Variants in RANBP2 observed in about 807,000 individuals in gnomAD.
RANBP2 encodes E3 SUMO-protein ligase RanBP2.
A neutral mutation model predicts 303.6 loss-of-function variants in RANBP2; 57 were observed. That is an observed-to-expected ratio of 0.19 (90% CI 0.15 to 0.23). The LOEUF (loss-of-function observed/expected upper bound fraction) is 0.23. Ranked by LOEUF, RANBP2 falls within the 10% of genes least tolerant of loss-of-function variation. The pLI, the probability that RANBP2 is intolerant of heterozygous loss-of-function variation, is 1.00. For missense variants in RANBP2, 3,138 were observed against 3,780.8 expected (o/e 0.83, Z 4.46); for synonymous variants, 1,167 against 1,301.5 (o/e 0.90, Z 2.23).
the RANBP2 span, among the ~76,000 whole-genome samples, chr2:108,820,471 G>A: frequency 6.6e-6 from 1 of 151,816 alleles, no homozygotes; most frequent in Non-Finnish European, 1.5e-5. Flanking sequence ...AAAGAAATAG[G>A]CATACAAGTT....
At chr2:109,117,268 G>T in the RANBP2 span, among the ~76,000 whole-genome samples, 2 of 152,210 alleles carry the variant, frequency 1.3e-5, no homozygotes, top group East Asian at 3.9e-4. Context: ...AGGCCTCCTT[G>T]AGCTGTGGTG....
chr2:109,486,246 T>G, the RANBP2 span, among the ~76,000 whole-genome samples: 2 of 152,228 alleles, frequency 1.3e-5, no homozygotes, highest in African/African-American at 4.8e-5. Context: ...CAGAATCATT[T>G]TTTGGTCCTC....
chr2:108,846,815 T>A, the RANBP2 span: 3 of 1,612,908 alleles, frequency 1.9e-6, no homozygotes, highest in South Asian at 3.3e-5. Context: ...GAATTCAGGA[T>A]AATTCTCCAC....
At chr2:109,714,091 T>C in the RANBP2 span, among the ~76,000 whole-genome samples, 1 of 152,174 alleles carries the variant, frequency 6.6e-6, no homozygotes, top group Non-Finnish European at 1.5e-5. Context: ...TTTTTATTTT[T>C]TCTTTTTGAG....
the RANBP2 span, among the ~76,000 whole-genome samples, chr2:109,222,121 C>A: frequency 6.6e-6 from 1 of 151,956 alleles, no homozygotes; most frequent in East Asian, 1.9e-4. Flanking sequence ...TGGACGATCT[C>A]ACTCATATGT....
the RANBP2 span, among the ~76,000 whole-genome samples, chr2:108,919,428 A>T: frequency 1.7e-4 from 26 of 152,092 alleles, no homozygotes; most frequent in Admixed American, 1.7e-3. Context: ...GCGCAATCTC[A>T]GTTCACCGCA....
the RANBP2 span, among the ~76,000 whole-genome samples, chr2:108,973,725 C>G: frequency 6.6e-6 from 1 of 152,332 alleles, no homozygotes; most frequent in African/African-American, 2.4e-5. Context: ...GACTACAAAA[C>G]CTGGAAATTT....
At chr2:109,472,852 G>A in the RANBP2 span, among the ~76,000 whole-genome samples, 1 of 152,182 alleles carries the variant, frequency 6.6e-6, no homozygotes, top group Admixed American at 6.5e-5. Context: ...ACAGGGTCGT[G>A]ACACACTCAG....
chr2:108,896,876 G>C, the RANBP2 span: 1 of 1,597,586 alleles, frequency 6.3e-7, no homozygotes, highest in South Asian at 1.1e-5. Context: ...TCCTTGGCTT[G>C]TCCTGGGAGG....
chr2:109,447,871 G>A, the RANBP2 span, among the ~76,000 whole-genome samples: 1 of 152,216 alleles, frequency 6.6e-6, no homozygotes, highest in Non-Finnish European at 1.5e-5. Context: ...CTGGCAGCAA[G>A]GTGGTGGATC....
At chr2:109,285,446 G>A in the RANBP2 span, among the ~76,000 whole-genome samples, 2,569 of 152,350 alleles carry the variant, frequency 0.017, 27 homozygotes, top group South Asian at 0.027. Flanking sequence ...CAGTGTGCCT[G>A]CTGTGCCGTG....
At chr2:109,461,504 C>T in the RANBP2 span, among the ~76,000 whole-genome samples, 932 of 6,694 alleles carry the variant, frequency 0.14, 8 homozygotes, top group African/African-American at 0.32. Flanking sequence ...AAGACCTGCG[C>T]GGTGATCCAC....
At chr2:108,981,493 G>A in the RANBP2 span, among the ~76,000 whole-genome samples, 8 of 152,172 alleles carry the variant, frequency 5.3e-5, no homozygotes, top group African/African-American at 1.2e-4. Flanking sequence ...TCCATTTTCC[G>A]CTCTAGCTCC....
the RANBP2 span, among the ~76,000 whole-genome samples, chr2:109,154,471 C>T: frequency 6.6e-6 from 1 of 152,206 alleles, no homozygotes; most frequent in Non-Finnish European, 1.5e-5. Flanking sequence ...GGACCACCAG[C>T]CTTTTTGAGG....
the RANBP2 span, among the ~76,000 whole-genome samples, chr2:109,694,133 G>A: frequency 6.6e-6 from 1 of 152,156 alleles, no homozygotes; most frequent in African/African-American, 2.4e-5. Flanking sequence ...GGTGGGGCCT[G>A]GTGGGAGGAG....
chr2:109,209,157 G>A, the RANBP2 span, among the ~76,000 whole-genome samples: 4 of 152,224 alleles, frequency 2.6e-5, no homozygotes, highest in East Asian at 1.9e-4. Context: ...CCTCTGTGCT[G>A]TGGTCTGCCT....
the RANBP2 span, among the ~76,000 whole-genome samples, chr2:109,680,189 A>C: frequency 6.9e-6 from 1 of 145,942 alleles, no homozygotes. Context: ...TAAAAATACA[A>C]AAAAAAAAAA....
the RANBP2 span, among the ~76,000 whole-genome samples, chr2:108,963,242 C>T: frequency 1.3e-5 from 2 of 152,222 alleles, no homozygotes; most frequent in East Asian, 1.9e-4. Context: ...CTGTGGCCAA[C>T]GTAAAAGGGC....
At chr2:109,408,871 G>A in the RANBP2 span, among the ~76,000 whole-genome samples, 1 of 152,206 alleles carries the variant, frequency 6.6e-6, no homozygotes, top group Non-Finnish European at 1.5e-5. Flanking sequence ...GGGGGGTCCA[G>A]GGCCTTCCTA....
Sources: allele counts gnomAD v4.1 joint callset (sites outside exome capture counted in the v4.1 genomes callset), GRCh38; gene constraint gnomAD v4.1.1; transcripts MANE v1.5; gene names NCBI Gene and HGNC (gene_info 2026-07-23, HGNC 2026-07-21).